The following EYS variants were observed in gnomAD, a reference collection of about 807,000 sequenced individuals.
EYS encodes protein eyes shut homolog.
EYS carries 250 observed loss-of-function variants against 282.1 expected under a neutral mutation model. The ratio of observed to expected loss-of-function variants is 0.89; its 90% CI spans 0.80 to 0.98. The LOEUF is 0.98. Among genes scored for constraint, EYS ranks in the 50% least tolerant of loss-of-function variants. The pLI, the probability that EYS is intolerant of heterozygous loss-of-function variation, is 0.00. For missense variants in EYS, 4,016 were observed against 3,709.0 expected (o/e 1.08, Z -2.15); for synonymous variants, 1,355 against 1,282.9 (o/e 1.06, Z -1.20).
intron 12 of EYS, among the ~76,000 whole-genome samples, chr6:65,267,826 T>C (rs1317674117): frequency 6.6e-6 from 1 of 151,954 alleles, no homozygotes; most frequent in Non-Finnish European, 1.5e-5. Context: ...TATGAAATAT[T>C]TTAAATTTTT....
At chr6:65,480,111 G>A (rs1432342974) in intron 5 of EYS, among the ~76,000 whole-genome samples, 1 of 152,092 alleles carries the variant, frequency 6.6e-6, no homozygotes, top group East Asian at 1.9e-4. Flanking sequence ...GTTGCAGTGA[G>A]CTGAGATCGC....
rs148268216 is a variant in EYS, at chr6:63,870,923, A to G, written c.7056-6565T>C. Among the ~76,000 whole-genome samples, 22 of 152,320 alleles carry G rather than the reference A, an allele frequency of 1.4e-4. No individual in the cohort carries two copies. The East Asian group carries it at 2.7e-3, about 19-fold the overall frequency. On this transcript the variant is annotated intron_variant, in intron 35 of 42. Coordinates refer to ENST00000503581, the MANE Select transcript of EYS (RefSeq NM_001142800.2). ...CAAAATTCATCAAATTTGATTAAAT[A>G]TCAAATTCTCCTTCTACCCAATCGT...
At chr6:64,531,550 T>TTTA (rs1228041159) in intron 26 of EYS, among the ~76,000 whole-genome samples, 1 of 12,562 alleles carries the variant, frequency 8.0e-5, no homozygotes, top group African/African-American at 7.9e-4. Context: ...CCACGCCTGG[T>TTTA]TTATTTTATT....
At chr6:64,740,343 A>T (rs942049259) in intron 22 of EYS, among the ~76,000 whole-genome samples, 2 of 152,214 alleles carry the variant, frequency 1.3e-5, no homozygotes, top group Admixed American at 6.5e-5. Flanking sequence ...TAGGTCATGG[A>T]ATCTACATAA....
chr6:65,094,193 A>G (rs1383045477), intron 12 of EYS, among the ~76,000 whole-genome samples: 153 of 151,450 alleles, frequency 1.0e-3, no homozygotes, highest in Non-Finnish European at 2.1e-4. Context: ...TAGGCACCCA[A>G]CATCAGAGCA....
chr6:64,552,742 C>T (rs184751494), intron 26 of EYS, among the ~76,000 whole-genome samples: 1 of 149,722 alleles, frequency 6.7e-6, no homozygotes, highest in African/African-American at 2.5e-5. Context: ...GTGAACCCCC[C>T]CCACCATCTC....
At position 65,513,218 on chromosome 6, in the gene EYS, C is replaced by T. The variant is rs562649429; in HGVS notation, c.-332-17225G>A. 4.0e-3 allele frequency among the ~76,000 whole-genome samples: 611 copies of T among 152,274 alleles called. 6 individuals are homozygous for T. The highest frequency in any genetic ancestry group is 0.014 in the African/African-American group (578 of 41,560). On this transcript the variant is annotated intron_variant, in intron 2 of 42. Transcript: ENST00000503581. The stretch of plus-strand genomic sequence containing the variant: ...AAATGGATAAATTCCTCCACACATA[C>T]ACCCTCCCAAGACTAAACCAGGAAG...
At chr6:64,633,423 C>T (rs1480705007) in intron 22 of EYS, among the ~76,000 whole-genome samples, 5 of 151,670 alleles carry the variant, frequency 3.3e-5, no homozygotes. Flanking sequence ...TGAAATGATC[C>T]ATATGCAGAA....
chr6:63,830,029 C>T (rs1272540692), intron 36 of EYS, among the ~76,000 whole-genome samples: 3 of 152,210 alleles, frequency 2.0e-5, no homozygotes, highest in Non-Finnish European at 4.4e-5. Flanking sequence ...AACTAACAAA[C>T]AGAAAGGACA....
chr6:64,205,814 T>TACACACACACAC (rs147264812), intron 31 of EYS, among the ~76,000 whole-genome samples: 10 of 136,282 alleles, frequency 7.3e-5, no homozygotes, highest in African/African-American at 1.1e-4. Flanking sequence ...TAGGCATTCA[T>TACACACACACAC]ACACACACAC....
At chr6:65,559,514 G>A (rs1768950864) in intron 2 of EYS, among the ~76,000 whole-genome samples, 2 of 152,070 alleles carry the variant, frequency 1.3e-5, no homozygotes, top group Non-Finnish European at 1.5e-5. Flanking sequence ...CCAAGATTAG[G>A]CTGTAAGGTT....
intron 22 of EYS, among the ~76,000 whole-genome samples, chr6:64,657,298 CT>C (rs1385989931): frequency 6.6e-6 from 1 of 152,130 alleles, no homozygotes; most frequent in African/African-American, 2.4e-5. Flanking sequence ...TGGGTCTTGA[CT>C]TTTTATCCAA....
chr6:65,029,461 C>G (rs1182713841), intron 13 of EYS, among the ~76,000 whole-genome samples: 1 of 151,916 alleles, frequency 6.6e-6, no homozygotes, highest in Non-Finnish European at 1.5e-5. Flanking sequence ...AACCATTGAC[C>G]CTTGAACAGC....
At chr6:64,068,223 G>A (rs1771447948) in intron 32 of EYS, among the ~76,000 whole-genome samples, 1 of 152,096 alleles carries the variant, frequency 6.6e-6, no homozygotes, top group Non-Finnish European at 1.5e-5. Context: ...TATTGGTGAA[G>A]TTGAACATAT....
At chr6:64,247,928 G>C (rs1359969452) in intron 30 of EYS, among the ~76,000 whole-genome samples, 1 of 152,008 alleles carries the variant, frequency 6.6e-6, no homozygotes, top group African/African-American at 2.4e-5. Context: ...AGACAAAAGA[G>C]GGCCTGCTGA....
At chr6:64,921,432 A>C (rs1768344156) in intron 15 of EYS, among the ~76,000 whole-genome samples, 1 of 152,186 alleles carries the variant, frequency 6.6e-6, no homozygotes, top group Admixed American at 6.5e-5. Flanking sequence ...AGCAGAGATA[A>C]GAGAGAAATG....
At chr6:64,034,237 A>G (rs1770004717) in intron 33 of EYS, among the ~76,000 whole-genome samples, 1 of 152,204 alleles carries the variant, frequency 6.6e-6, no homozygotes, top group South Asian at 2.1e-4. Context: ...AATACATGGT[A>G]CTTGTTAATA....
chr6:65,511,725 G>A (rs1375419241), intron 2 of EYS, among the ~76,000 whole-genome samples: 2 of 152,046 alleles, frequency 1.3e-5, no homozygotes, highest in Non-Finnish European at 2.9e-5. Context: ...GACTGAGACA[G>A]GGGGCTCACT....
At chr6:64,880,765 A>G (rs1198848908) in intron 19 of EYS, among the ~76,000 whole-genome samples, 1 of 149,122 alleles carries the variant, frequency 6.7e-6, no homozygotes, top group Non-Finnish European at 1.5e-5. Flanking sequence ...ACATATTTAT[A>G]TATATTTATT....
Sources: gnomAD v4.1 joint callset for allele counts (sites outside exome capture counted in the v4.1 genomes callset) on GRCh38, gnomAD v4.1.1 for gene constraint, MANE v1.5 for transcripts, NCBI Gene and HGNC (gene_info 2026-07-23, HGNC 2026-07-21) for gene names.